STIM1: variants seen among roughly 807,000 people sequenced by gnomAD.
STIM1 encodes stromal interaction molecule 1.
In STIM1, 25 loss-of-function variants were observed where a neutral mutation model predicts 74.7. The ratio of observed to expected loss-of-function variants is 0.33; its 90% CI spans 0.24 to 0.47. The LOEUF is 0.47. Among genes scored for constraint, STIM1 ranks in the 20% least tolerant of loss-of-function variants. The probability of loss-of-function intolerance (pLI) is 1.00; values close to 1 mark genes in which losing one functional copy is unlikely to be tolerated. For synonymous variants in STIM1, 328 were observed against 348.8 expected, an observed-to-expected ratio of 0.94 and a Z score of 0.66; for missense variants, 728 against 920.8, an observed-to-expected ratio of 0.79 and a Z score of 2.71.
intron 1 of STIM1, among the ~76,000 whole-genome samples, chr11:3,928,438 G>C (rs1301514572): frequency 2.0e-5 from 3 of 152,092 alleles, no homozygotes; most frequent in African/African-American, 7.2e-5. Context: ...TGTTGGCCAG[G>C]CTGGTCTTGA....
chr11:4,076,924 T>G (rs1480660523), intron 7 of STIM1, among the ~76,000 whole-genome samples: 2 of 151,910 alleles, frequency 1.3e-5, no homozygotes, highest in Non-Finnish European at 2.9e-5. Context: ...TTGAAACTTG[T>G]TGAGACTTGG....
At chr11:3,961,089 A>G (rs904706576) in intron 1 of STIM1, among the ~76,000 whole-genome samples, 1 of 152,006 alleles carries the variant, frequency 6.6e-6, no homozygotes, top group African/African-American at 2.4e-5. Context: ...TGCAGCTTCA[A>G]CATCCTGCAC....
Position 3,856,351 on chromosome 11 carries a change from C to A in STIM1, c.81C>A (p.His27Gln), listed in dbSNP as rs1393963653. 2 of 1,614,214 alleles carry A rather than the reference C, an allele frequency of 1.2e-6. No individual in the cohort carries two copies. Among genetic ancestry groups the A allele is most frequent in the Admixed American group, 3.3e-5 (2 of 60,032 alleles). ...LHQGQSLSHS[H>Q]SEKATGTSSG... is the part of the protein sequence containing the mutation. Reference sequence around the variant, plus strand: ...AGGGCCAGAGCCTCAGCCATAGTCACAGTGAGAAGGCGACAGGAACCAGCT... The same window carrying A: ...AGGGCCAGAGCCTCAGCCATAGTCAAAGTGAGAAGGCGACAGGAACCAGCT... The change falls in exon 1 of 13, where the codon CAC (histidine) becomes CAA (glutamine). Residue 27 changes from histidine to glutamine, a missense_variant. Transcript: ENST00000526596.
chr11:3,941,673 T>TAGAGAGAGAGAGAG (rs1554959602), intron 1 of STIM1, among the ~76,000 whole-genome samples: 31 of 90,732 alleles, frequency 3.4e-4, no homozygotes, highest in South Asian at 3.2e-3. Flanking sequence ...TATATATATA[T>TAGAGAGAGAGAGAG]AGAGAGAGAG....
intron 3 of STIM1, among the ~76,000 whole-genome samples, chr11:4,055,215 C>T (rs1381756478): frequency 6.6e-6 from 1 of 152,116 alleles, no homozygotes; most frequent in Non-Finnish European, 1.5e-5. Context: ...TTTGTGTAAC[C>T]ACCACCACAT....
chr11:3,878,889 C>G (rs1329801303), intron 1 of STIM1, among the ~76,000 whole-genome samples: 1 of 152,152 alleles, frequency 6.6e-6, no homozygotes, highest in African/African-American at 2.4e-5. Flanking sequence ...TCGTGCCTAC[C>G]CATTGTGGCC....
At chr11:3,866,488 G>A (rs145815014) in intron 1 of STIM1, among the ~76,000 whole-genome samples, 1,583 of 150,274 alleles carry the variant, frequency 0.011, 21 homozygotes, top group African/African-American at 0.035. Flanking sequence ...GTGCAGTGGC[G>A]TAATCTTGGC....
At chr11:4,073,048 G>GTGTT (rs2094414154) in intron 6 of STIM1, among the ~76,000 whole-genome samples, 1 of 82,802 alleles carries the variant, frequency 1.2e-5, no homozygotes, top group Admixed American at 1.7e-4. Flanking sequence ...GGACTTAGAG[G>GTGTT]TTTTTTTTTT....
intron 1 of STIM1, among the ~76,000 whole-genome samples, chr11:3,931,084 A>G (rs572643283): frequency 6.6e-6 from 1 of 152,362 alleles, no homozygotes; most frequent in East Asian, 1.9e-4. Flanking sequence ...TGAAGTGCAA[A>G]TAAGGGATGT....
chr11:4,077,417 A>C (rs1346028030), intron 7 of STIM1, among the ~76,000 whole-genome samples: 1 of 152,094 alleles, frequency 6.6e-6, no homozygotes. Flanking sequence ...GACTGAACTA[A>C]AATGATACTA....
chr11:3,980,997 AAT>A (rs2093498857), intron 2 of STIM1, among the ~76,000 whole-genome samples: 3 of 152,074 alleles, frequency 2.0e-5, no homozygotes, highest in Non-Finnish European at 4.4e-5. Flanking sequence ...TCATCCAAGA[AAT>A]ATATATATAT....
At chr11:3,973,816 C>T (rs967886230) in intron 2 of STIM1, 6 of 355,680 alleles carry the variant, frequency 1.7e-5, no homozygotes, top group African/African-American at 6.2e-5. Context: ...CAGGCTCAAA[C>T]GATCTTCCTG....
intron 1 of STIM1, among the ~76,000 whole-genome samples, chr11:3,869,039 G>A (rs1177899085): frequency 6.6e-6 from 1 of 151,944 alleles, no homozygotes; most frequent in African/African-American, 2.4e-5. Flanking sequence ...CGCCATCTTG[G>A]CTCATTGCAA....
chr11:3,988,934 A>G (rs1412882132), intron 2 of STIM1, among the ~76,000 whole-genome samples: 1 of 152,154 alleles, frequency 6.6e-6, no homozygotes, highest in African/African-American at 2.4e-5. Flanking sequence ...AATAACCCAC[A>G]CTGTTTTCTG....
At chr11:4,076,485 CAAAAAAAAAAA>C (rs58804386) in intron 7 of STIM1, among the ~76,000 whole-genome samples, 141 of 40,792 alleles carry the variant, frequency 3.5e-3, no homozygotes, top group Middle Eastern at 0.023. Flanking sequence ...GACTCCATCT[CAAAAAAAAAAA>C]AAAAAAAAAA....
At chr11:3,882,419 T>A (rs1275826781) in intron 1 of STIM1, among the ~76,000 whole-genome samples, 1 of 152,184 alleles carries the variant, frequency 6.6e-6, no homozygotes, top group Non-Finnish European at 1.5e-5. Context: ...TTTTTATGGC[T>A]GTGTAATATT....
intron 1 of STIM1, among the ~76,000 whole-genome samples, chr11:3,938,715 C>T (rs1444362163): frequency 2.0e-5 from 3 of 152,090 alleles, no homozygotes; most frequent in Non-Finnish European, 4.4e-5. Context: ...GGTGTGGTGG[C>T]ACATACTTGT....
At chr11:3,866,412 G>A (rs563284872) in intron 1 of STIM1, among the ~76,000 whole-genome samples, 2 of 151,050 alleles carry the variant, frequency 1.3e-5, no homozygotes, top group East Asian at 3.9e-4. Flanking sequence ...TACGCCACAA[G>A]AGGCAGCTTG....
chr11:4,075,547 G>T (rs2094432823), intron 7 of STIM1, among the ~76,000 whole-genome samples: 1 of 152,224 alleles, frequency 6.6e-6, no homozygotes. Flanking sequence ...CATCAAAGTT[G>T]CATGTAGTGA....
Sources: allele counts gnomAD v4.1 joint callset (sites outside exome capture counted in the v4.1 genomes callset), GRCh38; gene constraint gnomAD v4.1.1; transcripts MANE v1.5; gene names NCBI Gene and HGNC (gene_info 2026-07-23, HGNC 2026-07-21).